MTCL2: variants seen among roughly 807,000 people sequenced by gnomAD.
The protein encoded by MTCL2 is microtubule crosslinking factor 2.
At chr20:36,796,249 T>C in the MTCL2 span, among the ~76,000 whole-genome samples, 5 of 152,190 alleles carry the variant, frequency 3.3e-5, no homozygotes, top group Non-Finnish European at 5.9e-5. Flanking sequence ...GCAGCTCCTA[T>C]CATCCCCACT....
chr20:36,863,492 C>G, the MTCL2 span: 3 of 474,984 alleles, frequency 6.3e-6, no homozygotes, highest in Non-Finnish European at 8.8e-6. The surrounding 1 kb of genome is among the most constrained non-coding windows in gnomAD (Gnocchi z 6.2). Flanking sequence ...GTCCCCGTCC[C>G]AAGCCCCGCC....
chr20:36,843,317 C>CA, the MTCL2 span, among the ~76,000 whole-genome samples: 3 of 152,342 alleles, frequency 2.0e-5, no homozygotes, highest in Admixed American at 6.5e-5. Context: ...GGATTTAACT[C>CA]AGAGTCAGGG....
chr20:36,798,195 G>A, the MTCL2 span, among the ~76,000 whole-genome samples: 1 of 151,798 alleles, frequency 6.6e-6, no homozygotes, highest in African/African-American at 2.4e-5. Flanking sequence ...TCAGCCTCCC[G>A]AGTGGCTGGC....
the MTCL2 span, chr20:36,817,487 TAA>T: frequency 6.8e-3 from 8,748 of 1,285,866 alleles, no homozygotes; most frequent in South Asian, 0.01. Context: ...GAGATTTAAT[TAA>T]AAAAAAAAAA....
chr20:36,815,860 G>A, the MTCL2 span: 3 of 1,603,246 alleles, frequency 1.9e-6, no homozygotes, highest in South Asian at 1.1e-5. The surrounding 1 kb of genome is among the most constrained non-coding windows in gnomAD (Gnocchi z 5.3). Flanking sequence ...GCAGAGGAGC[G>A]CCGCAGCAGC....
the MTCL2 span, among the ~76,000 whole-genome samples, chr20:36,791,707 T>C: frequency 6.6e-6 from 1 of 152,140 alleles, no homozygotes; most frequent in South Asian, 2.1e-4. Context: ...AACTGGAAGA[T>C]GTTGTAAAGT....
At chr20:36,821,385 G>T in the MTCL2 span, among the ~76,000 whole-genome samples, 15 of 151,932 alleles carry the variant, frequency 9.9e-5, no homozygotes, top group African/African-American at 3.4e-4. Context: ...AAAATTAGCC[G>T]GGCATGGTGG....
the MTCL2 span, among the ~76,000 whole-genome samples, chr20:36,817,994 A>C: frequency 6.6e-6 from 1 of 152,194 alleles, no homozygotes; most frequent in Non-Finnish European, 1.5e-5. Context: ...ACCTTGTCCA[A>C]GGGCAGGTGC....
the MTCL2 span, chr20:36,781,152 T>C: frequency 1.2e-4 from 18 of 152,350 alleles, no homozygotes; most frequent in African/African-American, 4.3e-4. Context: ...TTGAAAATCC[T>C]GAGTAATTAA....
At chr20:36,826,923 C>G in the MTCL2 span, among the ~76,000 whole-genome samples, 2 of 152,132 alleles carry the variant, frequency 1.3e-5, no homozygotes, top group African/African-American at 4.8e-5. Context: ...AACTGCCATA[C>G]TATCTTATTC....
At chr20:36,834,985 A>G in the MTCL2 span, among the ~76,000 whole-genome samples, 2 of 151,534 alleles carry the variant, frequency 1.3e-5, no homozygotes, top group Non-Finnish European at 2.9e-5. Context: ...ACAGAGTGAG[A>G]CCCTGCCTTA....
At chr20:36,830,009 A>G in the MTCL2 span, among the ~76,000 whole-genome samples, 3 of 151,972 alleles carry the variant, frequency 2.0e-5, no homozygotes, top group African/African-American at 7.3e-5. Flanking sequence ...ATAAATAAAT[A>G]AATAAAAAGA....
the MTCL2 span, among the ~76,000 whole-genome samples, chr20:36,840,231 C>T: frequency 6.7e-6 from 1 of 149,728 alleles, no homozygotes; most frequent in Non-Finnish European, 1.5e-5. Flanking sequence ...GTGGCGCTAT[C>T]TCGGCTCACT....
chr20:36,823,585 T>G, the MTCL2 span, among the ~76,000 whole-genome samples: 1 of 152,142 alleles, frequency 6.6e-6, no homozygotes, highest in Non-Finnish European at 1.5e-5. Flanking sequence ...GAAGGGCAGA[T>G]AGCTTGAGCC....
At chr20:36,848,124 A>G in the MTCL2 span, among the ~76,000 whole-genome samples, 1 of 152,216 alleles carries the variant, frequency 6.6e-6, no homozygotes, top group Non-Finnish European at 1.5e-5. Context: ...ACTCCAGGCT[A>G]GGTGACAGAG....
chr20:36,829,192 C>A, the MTCL2 span: 3 of 1,610,716 alleles, frequency 1.9e-6, no homozygotes, highest in Non-Finnish European at 2.5e-6. Context: ...TATGCAGCCG[C>A]ATGGAGATGT....
the MTCL2 span, chr20:36,809,998 T>C: frequency 6.9e-6 from 11 of 1,602,144 alleles, no homozygotes; most frequent in African/African-American, 1.1e-4. Context: ...CATTTTCTGG[T>C]TGAAATTGTC....
At chr20:36,859,569 A>C in the MTCL2 span, 16 of 1,226,798 alleles carry the variant, frequency 1.3e-5, no homozygotes, top group East Asian at 5.0e-4. Context: ...CAGTGAGCTC[A>C]CTACCTTCTC....
chr20:36,802,897 C>T, the MTCL2 span: 1 of 1,574,916 alleles, frequency 6.3e-7, no homozygotes, highest in African/African-American at 1.3e-5. Flanking sequence ...TGCTGCTCCA[C>T]CTGCTGCTTC....
Sources: gnomAD v4.1 joint callset for allele counts (sites outside exome capture counted in the v4.1 genomes callset) on GRCh38, gnomAD v4.1.1 for gene constraint, Gnocchi (gnomAD v3.1) non-coding constraint, MANE v1.5 for transcripts, NCBI Gene and HGNC (gene_info 2026-07-23, HGNC 2026-07-21) for gene names.